The following ADCY1 variants were observed in gnomAD, a reference collection of about 807,000 sequenced individuals.
The protein encoded by ADCY1 is adenylate cyclase type 1.
Under a neutral mutation model 105.4 loss-of-function variants are expected in ADCY1, and 28 were observed. The observed-to-expected ratio is 0.27, with a 90% confidence interval of 0.20 to 0.36. The LOEUF (loss-of-function observed/expected upper bound fraction) is 0.36. Among genes scored for constraint, ADCY1 ranks in the 10% least tolerant of loss-of-function variants. ADCY1 has a pLI of 1.00. For missense variants in ADCY1, 977 were observed against 1,434.2 expected (o/e 0.68, Z 5.15); for synonymous variants, 655 against 623.8 (o/e 1.05, Z -0.75).
intron 4 of ADCY1, among the ~76,000 whole-genome samples, chr7:45,623,996 G>A (rs1216370660): frequency 6.6e-6 from 1 of 152,228 alleles, no homozygotes; most frequent in Non-Finnish European, 1.5e-5. Flanking sequence ...TGGTCAGGGA[G>A]GGGCGCTGAG....
At chr7:45,641,269 T>C (rs962752285) in intron 4 of ADCY1, among the ~76,000 whole-genome samples, 4 of 152,130 alleles carry the variant, frequency 2.6e-5, no homozygotes, top group African/African-American at 9.7e-5. Context: ...CATCCTCATG[T>C]CTTGGTTTCT....
chr7:45,585,242 G>A (rs914140970), intron 1 of ADCY1, among the ~76,000 whole-genome samples: 1 of 152,192 alleles, frequency 6.6e-6, no homozygotes, highest in Non-Finnish European at 1.5e-5. Context: ...AACCCTACCT[G>A]CCCTGCAGTG....
At chr7:45,646,273 G>A (rs915306390) in intron 4 of ADCY1, among the ~76,000 whole-genome samples, 21 of 152,280 alleles carry the variant, frequency 1.4e-4, no homozygotes, top group African/African-American at 4.8e-4. Flanking sequence ...TCCCTGAGGG[G>A]TCCTGCCTTC....
In ADCY1 at chr7:45,708,486, C is replaced by G. The variant is rs1282176233; in HGVS notation, c.2932+22C>G. ...GTTGGTATGTGGCTCTAAACCTATC[C>G]TGTCCATCCATGTGGAACACCTTCC... On this transcript the variant is annotated intron_variant, in intron 18 of 19. Coordinates refer to ENST00000297323, the MANE Select transcript of ADCY1 (RefSeq NM_021116.4). This position sits in a 1 kb window ranked among gnomAD's most constrained non-coding sequence, Gnocchi z 4.7. 6.4e-7 allele frequency: 1 copy of G among 1,568,468 alleles called. No individual in the cohort carries two copies. The highest frequency in any genetic ancestry group is 8.8e-7 in the Non-Finnish European group (1 of 1,138,708).
At chr7:45,701,529 T>C (rs908236098) in intron 14 of ADCY1, among the ~76,000 whole-genome samples, 2 of 152,230 alleles carry the variant, frequency 1.3e-5, no homozygotes, top group Non-Finnish European at 2.9e-5. Context: ...AGAGCAGTAA[T>C]TTTTGTGCCA....
At chr7:45,713,358 G>T (rs1452360697) in intron 19 of ADCY1, among the ~76,000 whole-genome samples, 1 of 152,244 alleles carries the variant, frequency 6.6e-6, no homozygotes, top group Non-Finnish European at 1.5e-5. Context: ...CTGTCTGGGT[G>T]CTTCCTGGGC....
chr7:45,669,874 T>G (rs913035387), intron 8 of ADCY1, among the ~76,000 whole-genome samples: 5 of 152,342 alleles, frequency 3.3e-5, no homozygotes, highest in Non-Finnish European at 7.3e-5. Flanking sequence ...GGTGATAATT[T>G]TGCTTTCTCC....
chr7:45,633,726 C>T (rs188536201), intron 4 of ADCY1, among the ~76,000 whole-genome samples: 4 of 147,602 alleles, frequency 2.7e-5, no homozygotes, highest in South Asian at 2.2e-4. Context: ...CGCTTGAACC[C>T]GGGAGGCAGA....
intron 8 of ADCY1, among the ~76,000 whole-genome samples, chr7:45,671,020 G>A (rs535352814): frequency 6.6e-6 from 1 of 152,336 alleles, no homozygotes; most frequent in Non-Finnish European, 1.5e-5. Context: ...CTGCTTGTTT[G>A]GGGTTGTAGC....
chr7:45,582,541 T>G (rs530855872), intron 1 of ADCY1, among the ~76,000 whole-genome samples: 1 of 141,124 alleles, frequency 7.1e-6, no homozygotes, highest in East Asian at 2.2e-4. Context: ...TGTGCCCCTC[T>G]CTAGTGCAGG....
At chr7:45,640,319 G>A (rs1028673527) in intron 4 of ADCY1, among the ~76,000 whole-genome samples, 2 of 152,202 alleles carry the variant, frequency 1.3e-5, no homozygotes, top group African/African-American at 2.4e-5. Flanking sequence ...CCAATGGCTT[G>A]CAAGCAAGGT....
chr7:45,679,901 G>C, intron 11 of ADCY1, 108 bp downstream of exon 11: 2 of 1,325,552 alleles, frequency 1.5e-6, no homozygotes, highest in South Asian at 2.3e-5. Context: ...AGGGTGGCCT[G>C]TGTCCTATAC....
chr7:45,657,272 G>A (rs1352195143), intron 5 of ADCY1, among the ~76,000 whole-genome samples: 1 of 152,252 alleles, frequency 6.6e-6, no homozygotes, highest in African/African-American at 2.4e-5. Context: ...TCCTGTGGAT[G>A]TTTCCAGCAG....
chr7:45,595,326 G>A (rs1793042791), intron 2 of ADCY1, among the ~76,000 whole-genome samples: 1 of 152,168 alleles, frequency 6.6e-6, no homozygotes, highest in Non-Finnish European at 1.5e-5. Flanking sequence ...GGGGCCCAGG[G>A]GGGTTGGGGT....
At chr7:45,579,187 T>C (rs138584557) in intron 1 of ADCY1, among the ~76,000 whole-genome samples, 39 of 152,264 alleles carry the variant, frequency 2.6e-4, no homozygotes, top group African/African-American at 8.2e-4. Context: ...ATAGCAAAGC[T>C]CGTGGCCTAG....
chr7:45,601,457 A>G (rs1386022192), intron 2 of ADCY1, among the ~76,000 whole-genome samples: 3 of 152,046 alleles, frequency 2.0e-5, no homozygotes, highest in Non-Finnish European at 4.4e-5. Context: ...TGCTCCTCTG[A>G]TCAGGGCCTG....
chr7:45,705,702 A>G (rs1258725066), intron 17 of ADCY1, among the ~76,000 whole-genome samples: 1 of 152,212 alleles, frequency 6.6e-6, no homozygotes, highest in Non-Finnish European at 1.5e-5. Context: ...TCAACATTTT[A>G]CTGGAAGGCA....
rs1395996397 is a variant in ADCY1, at chr7:45,677,986, G to A, written c.1723G>A (p.Ala575Thr). 6.2e-7 allele frequency: 1 copy of A among 1,614,186 alleles called. No homozygotes were observed. The change falls in exon 9 of 20, where the codon GCC becomes ACC. Residue 575 changes from alanine to threonine, a missense_variant. Coordinates refer to ENST00000297323, the MANE Select transcript of ADCY1 (RefSeq NM_021116.4). ...VNRYISRLLE[A>T]RQTELEMADL... ...CAGGTACATCAGCCGCCTCTTAGAA[G>A]CCCGCCAGACAGAGCTGGAGATGGC... is the stretch of plus-strand genomic sequence containing the variant.
At chr7:45,576,205 G>A (rs1239415555) in intron 1 of ADCY1, among the ~76,000 whole-genome samples, 1 of 152,246 alleles carries the variant, frequency 6.6e-6, no homozygotes, top group Non-Finnish European at 1.5e-5. Context: ...TAAGGGGTCG[G>A]AGGGGAAGCT....
Sources: gnomAD v4.1 joint callset for allele counts (sites outside exome capture counted in the v4.1 genomes callset) on GRCh38, gnomAD v4.1.1 for gene constraint, Gnocchi (gnomAD v3.1) non-coding constraint, MANE v1.5 for transcripts, NCBI Gene and HGNC (gene_info 2026-07-23, HGNC 2026-07-21) for gene names.